The following CCDC60 variants were observed in gnomAD, a reference collection of about 807,000 sequenced individuals.
CCDC60 encodes coiled-coil domain containing 60, also known as coiled-coil domain-containing protein 60.
In CCDC60, 54 loss-of-function variants were observed where a neutral mutation model predicts 63.5. The ratio of observed to expected loss-of-function variants is 0.85; its 90% CI spans 0.68 to 1.07. The LOEUF is 1.07. Ranked by LOEUF, CCDC60 falls within the 50% of genes least tolerant of loss-of-function variation. CCDC60 has a pLI of 0.00. For missense variants in CCDC60, 651 were observed against 684.3 expected, an observed-to-expected ratio of 0.95 and a Z score of 0.54; for synonymous variants, 206 against 238.8, an observed-to-expected ratio of 0.86 and a Z score of 1.27.
chr12:119,353,797 G>A (rs1948773759), intron 1 of CCDC60, among the ~76,000 whole-genome samples: 1 of 151,982 alleles, frequency 6.6e-6, no homozygotes, highest in African/African-American at 2.4e-5. Context: ...GTGTGGCTGG[G>A]CGCAGTGGCT....
intron 8 of CCDC60, among the ~76,000 whole-genome samples, chr12:119,518,499 G>C (rs1199518130): frequency 6.6e-6 from 1 of 152,186 alleles, no homozygotes; most frequent in East Asian, 1.9e-4. Flanking sequence ...CTCTGAGTCT[G>C]ATTCTCATTC....
intron 2 of CCDC60, among the ~76,000 whole-genome samples, chr12:119,460,026 C>A (rs1453868065): frequency 1.3e-5 from 2 of 152,140 alleles, no homozygotes; most frequent in African/African-American, 2.4e-5. Flanking sequence ...CAAGCTCTCA[C>A]GTGATGCTGA....
At chr12:119,433,320 T>C in intron 2 of CCDC60, 1 of 680,182 alleles carries the variant, frequency 1.5e-6, no homozygotes, top group Non-Finnish European at 2.7e-6. Context: ...CAGCTGAGTC[T>C]GTCACTCCCA....
At chr12:119,475,557 T>C (rs1005535346) in intron 3 of CCDC60, among the ~76,000 whole-genome samples, 1 of 152,236 alleles carries the variant, frequency 6.6e-6, no homozygotes, top group African/African-American at 2.4e-5. Context: ...ATTACAGCAA[T>C]GTAGCCATCA....
At chr12:119,529,467 C>T (rs115097419) in intron 12 of CCDC60, among the ~76,000 whole-genome samples, 1,889 of 152,280 alleles carry the variant, frequency 0.012, 34 homozygotes, top group African/African-American at 0.043. Flanking sequence ...TTGGAATCTA[C>T]TGAACTGTGG....
Position 119,446,323 on chromosome 12 carries a change from A to G in CCDC60, c.170+17561A>G, listed in dbSNP as rs564065990. ...TCTCATGAACCTTTCCTGAAGGTCTACTATTACACAAGCACAAGGATTGGG... is the reference window on the plus strand; with the variant it reads ...TCTCATGAACCTTTCCTGAAGGTCTGCTATTACACAAGCACAAGGATTGGG... On this transcript the variant is annotated intron_variant, in intron 2 of 13. Coordinates refer to ENST00000327554, the MANE Select transcript of CCDC60 (RefSeq NM_178499.5). 2.0e-5 allele frequency among the ~76,000 whole-genome samples: 3 copies of G among 152,336 alleles called. No homozygotes were observed. The East Asian group carries it at 5.8e-4, about 29-fold the overall frequency.
intron 7 of CCDC60, among the ~76,000 whole-genome samples, chr12:119,506,908 G>A (rs1777892199): frequency 6.6e-6 from 1 of 152,160 alleles, no homozygotes; most frequent in South Asian, 2.1e-4. Flanking sequence ...GAAAGATGGA[G>A]AAGGTAGAAA....
intron 6 of CCDC60, among the ~76,000 whole-genome samples, chr12:119,501,888 C>A (rs1254010495): frequency 6.6e-6 from 1 of 152,152 alleles, no homozygotes; most frequent in Non-Finnish European, 1.5e-5. Flanking sequence ...TGCAGGAGAC[C>A]TGGCTCAGCC....
At chr12:119,444,535 T>A (rs1375784405) in intron 2 of CCDC60, among the ~76,000 whole-genome samples, 1 of 152,156 alleles carries the variant, frequency 6.6e-6, no homozygotes, top group Non-Finnish European at 1.5e-5. Flanking sequence ...AAGTCTAGAG[T>A]CTCCCTCTAG....
chr12:119,506,775 G>C (rs1399056933), intron 7 of CCDC60, among the ~76,000 whole-genome samples: 1 of 152,094 alleles, frequency 6.6e-6, no homozygotes, highest in African/African-American at 2.4e-5. Flanking sequence ...ATCTCTACTA[G>C]ATAGAATCAT....
At chr12:119,394,238 A>G (rs1330925373) in intron 1 of CCDC60, among the ~76,000 whole-genome samples, 1 of 152,230 alleles carries the variant, frequency 6.6e-6, no homozygotes, top group Non-Finnish European at 1.5e-5. Context: ...GACTTGTCCA[A>G]GGTCACTCCA....
At chr12:119,531,172 A>G (rs1952830853) in intron 13 of CCDC60, 109 bp downstream of exon 13, 2 of 916,102 alleles carry the variant, frequency 2.2e-6, no homozygotes, top group East Asian at 2.5e-5. Flanking sequence ...CCCTGCCTTT[A>G]TGGAGCTCAT....
chr12:119,437,062 G>C (rs1351661693), intron 2 of CCDC60, among the ~76,000 whole-genome samples: 1 of 152,156 alleles, frequency 6.6e-6, no homozygotes, highest in Non-Finnish European at 1.5e-5. Flanking sequence ...AAAGTGCAGA[G>C]AAATCAAGAA....
chr12:119,456,065 AAGC>A lies in CCDC60; in HGVS notation c.171-15927_171-15925del, dbSNP rs1566019673. On this transcript the variant is annotated intron_variant, in intron 2 of 13. Transcript: ENST00000327554. The surrounding 1 kb of genome is among the most constrained non-coding windows in gnomAD (Gnocchi z 4.6). ...AAAGAAAGAAAGAAAGAAAGAAAGC[AAGC>A]AAGCATGTGCAATTTCAAGGGGGTA... Among the ~76,000 whole-genome samples, 1,419 of 89,874 alleles carry A rather than the reference AAGC, an allele frequency of 0.016. 124 individuals carry two copies. Among genetic ancestry groups the A allele is most frequent in the African/African-American group, 0.023 (501 of 21,682 alleles). 59.0% of individuals were successfully genotyped at this position (89,874 alleles called of 152,430 possible).
intron 2 of CCDC60, among the ~76,000 whole-genome samples, chr12:119,436,625 G>A (rs372355900): frequency 1.7e-4 from 25 of 149,064 alleles, no homozygotes; most frequent in African/African-American, 6.2e-4. Context: ...TGCAACCTCC[G>A]CCTCCCGGGT....
intron 11 of CCDC60, among the ~76,000 whole-genome samples, chr12:119,524,688 T>C (rs983307398): frequency 3.4e-5 from 5 of 148,846 alleles, no homozygotes; most frequent in African/African-American, 1.3e-4. Flanking sequence ...AAGGTTTCCT[T>C]GGAGGAAACA....
At chr12:119,522,035 C>T (rs991969647) in intron 9 of CCDC60, among the ~76,000 whole-genome samples, 1 of 152,178 alleles carries the variant, frequency 6.6e-6, no homozygotes, top group East Asian at 1.9e-4. Context: ...AATGGCCAGG[C>T]CTGCCTGCCT....
At chr12:119,528,829 T>C in intron 12 of CCDC60, 83 bp downstream of exon 12, 1 of 1,426,622 alleles carries the variant, frequency 7.0e-7, no homozygotes, top group Non-Finnish European at 9.5e-7. Context: ...GATTCCACTG[T>C]CCTTCAAGGC....
intron 10 of CCDC60, among the ~76,000 whole-genome samples, 164 bp from the exon 11 acceptor site, chr12:119,523,529 G>A (rs1952588930): frequency 6.6e-6 from 1 of 152,198 alleles, no homozygotes; most frequent in Non-Finnish European, 1.5e-5. Flanking sequence ...CTACATCCAG[G>A]GAGATGCTTA....
Sources: gnomAD v4.1 joint callset for allele counts (sites outside exome capture counted in the v4.1 genomes callset) on GRCh38, gnomAD v4.1.1 for gene constraint, Gnocchi (gnomAD v3.1) non-coding constraint, MANE v1.5 for transcripts, NCBI Gene and HGNC (gene_info 2026-07-23, HGNC 2026-07-21) for gene names.